Variants in RNF149 observed in about 807,000 individuals in gnomAD.
RNF149 encodes the protein ring finger protein 149.
Under a neutral mutation model 39.0 loss-of-function variants are expected in RNF149, and 21 were observed. That is an observed-to-expected ratio of 0.54 (90% confidence interval 0.38 to 0.77). The LOEUF (loss-of-function observed/expected upper bound fraction) is 0.77. Ranked by LOEUF, RNF149 falls within the 30% of genes least tolerant of loss-of-function variation. RNF149 has a pLI of 0.00. For synonymous variants in RNF149, 209 were observed against 213.6 expected (o/e 0.98, Z 0.19); for missense variants, 493 against 534.9 (o/e 0.92, Z 0.77).
chr2:101,277,360 CACTT>C (rs1682384617), intron 6 of RNF149, 79 bp from the exon 7 acceptor site: 7 of 1,516,626 alleles, frequency 4.6e-6, no homozygotes, highest in Non-Finnish European at 6.2e-6. Flanking sequence ...CACACTTACT[CACTT>C]GGAGATAATT....
chr2:101,293,367 G>A (rs571457360), intron 3 of RNF149, among the ~76,000 whole-genome samples: 6 of 152,154 alleles, frequency 3.9e-5, no homozygotes, highest in South Asian at 4.1e-4. Context: ...ATTTCAGAGC[G>A]CACCAGAAGA....
intron 1 of RNF149, among the ~76,000 whole-genome samples, chr2:101,305,656 G>A (rs1683624187): frequency 6.6e-6 from 1 of 152,110 alleles, no homozygotes; most frequent in South Asian, 2.1e-4. Flanking sequence ...TAAATGCACA[G>A]GGCAACCCCC....
In RNF149 at chr2:101,293,894, A is replaced by G. The variant is rs916656719; in HGVS notation, c.780+120T>C. The G allele has an allele frequency of 1.4e-4, 86 of 602,820 alleles. No homozygotes were observed. In the African/African-American group the frequency reaches 1.5e-3, roughly 11 times the overall value. 37.3% of individuals were successfully genotyped at this position (602,820 alleles called of 1,614,324 possible). A position where few individuals can be genotyped will look rare whatever the true frequency, so the allele number is the denominator to read the frequency against. ...CGACTAGTGGCTACCATATTAATGC[A>G]GGTCTAGAAGGCCCTTCTCAATGAC... is the stretch of plus-strand genomic sequence containing the variant. On this transcript the variant is annotated intron_variant, in intron 3 of 6. Transcript: ENST00000295317.
intron 5 of RNF149, among the ~76,000 whole-genome samples, chr2:101,284,262 CGT>C (rs1204898739): frequency 1.3e-5 from 2 of 152,154 alleles, no homozygotes; most frequent in Non-Finnish European, 2.9e-5. Context: ...AGAGTGAAGG[CGT>C]TCTGGAACTC....
downstream of RNF149, among the ~76,000 whole-genome samples, chr2:101,274,580 C>G (rs1682259755): frequency 6.6e-6 from 1 of 152,310 alleles, no homozygotes; most frequent in Non-Finnish European, 1.5e-5. Context: ...TCTTGCTTTC[C>G]AGGCCCCTTA....
intron 6 of RNF149, among the ~76,000 whole-genome samples, chr2:101,279,979 T>G (rs1436704628): frequency 6.6e-6 from 1 of 152,164 alleles, no homozygotes; most frequent in African/African-American, 2.4e-5. Flanking sequence ...GGCAAAATGA[T>G]TTTAGAATTA....
chr2:101,295,256 G>T, intron 1 of RNF149, 75 bp from the exon 2 acceptor site: 1 of 1,269,188 alleles, frequency 7.9e-7, no homozygotes, highest in Non-Finnish European at 1.1e-6. Flanking sequence ...AAATATAAGG[G>T]TACTATGTTC....
chr2:101,296,778 G>C (rs1573251314), intron 1 of RNF149, among the ~76,000 whole-genome samples: 1 of 152,036 alleles, frequency 6.6e-6, no homozygotes, highest in East Asian at 1.9e-4. Flanking sequence ...GAAGAAACAT[G>C]GGAATCAAAA....
intron 1 of RNF149, 86 bp downstream of exon 1, chr2:101,308,043 G>A (rs955555880): frequency 1.3e-6 from 2 of 1,500,710 alleles, no homozygotes; most frequent in South Asian, 2.6e-5. Flanking sequence ...CCCGCTTCGC[G>A]GCCTGCGGTT....
chr2:101,306,309 C>G (rs942050067), intron 1 of RNF149, among the ~76,000 whole-genome samples: 4 of 152,148 alleles, frequency 2.6e-5, no homozygotes, highest in Admixed American at 2.6e-4. Flanking sequence ...GCACACTAAC[C>G]TTTTTTCTTT....
chr2:101,287,071 C>T (rs985432683), intron 4 of RNF149, among the ~76,000 whole-genome samples: 2 of 152,164 alleles, frequency 1.3e-5, no homozygotes, highest in Non-Finnish European at 2.9e-5. Context: ...CCTGTAATCC[C>T]AACATTTTGG....
At chr2:101,295,296 T>C in intron 1 of RNF149, 115 bp from the exon 2 acceptor site, 1 of 889,916 alleles carries the variant, frequency 1.1e-6, no homozygotes, top group South Asian at 1.9e-5. Context: ...TTAGAAAAAT[T>C]CCATGGGAAA....
In RNF149 at chr2:101,276,424, A is replaced by C. The variant is rs2104382308; in HGVS notation, c.*814T>G. The stretch of plus-strand genomic sequence containing the variant: ...TCAACAACAAAAACTAAAATTCTAC[A>C]TCTTTCGCCCTTTTAATTGTAAAGA... On this transcript the variant is annotated 3_prime_UTR_variant, in exon 7 of 7. Transcript: ENST00000295317. 1.0e-6 allele frequency: 1 copy of C among 985,870 alleles called. No homozygotes were observed. The highest frequency in any genetic ancestry group is 1.1e-4 in the East Asian group (1 of 8,818). 61.1% of individuals were successfully genotyped at this position (985,870 alleles called of 1,614,324 possible). A position where few individuals can be genotyped will look rare whatever the true frequency, so the allele number is the denominator to read the frequency against.
chr2:101,282,059 T>C lies in RNF149; in HGVS notation c.961-2A>G, dbSNP rs759144316. On this transcript the variant is annotated splice_acceptor_variant, in intron 5 of 6. Transcript: ENST00000295317. LOFTEE classifies it high-confidence loss of function. Reference sequence around the variant, plus strand: ...CTCCTGTACATCCCCAGGCTCTCCCTTGAGAATTAGAACAGAAGAAAAAAC... The same window carrying C: ...CTCCTGTACATCCCCAGGCTCTCCCCTGAGAATTAGAACAGAAGAAAAAAC... The C allele has an allele frequency of 1.2e-6, 2 of 1,613,706 alleles. No homozygotes were observed. The highest frequency in any genetic ancestry group is 1.7e-6 in the Non-Finnish European group (2 of 1,179,882).
intron 6 of RNF149, chr2:101,281,624 C>A (rs562715644): frequency 4.0e-6 from 2 of 498,274 alleles, no homozygotes; most frequent in African/African-American, 3.9e-5. Context: ...CCTCAGCATT[C>A]TGAGTAGCTG....
rs554627560 is a variant in RNF149 at position 101,286,776 on chromosome 2, T to C, written c.864-599A>G. Among the ~76,000 whole-genome samples the C allele has an allele frequency of 2.6e-5, 4 of 152,268 alleles. No individual in the cohort carries two copies. The South Asian group carries it at 6.2e-4, about 24-fold the overall frequency. On this transcript the variant is annotated intron_variant, in intron 4 of 6. Coordinates refer to ENST00000295317, the MANE Select transcript of RNF149 (RefSeq NM_173647.4). ...TGATAGATCTATTTTCTGCAAGTGA[T>C]GAAGAAAAGGAGTTACCAGTATAGT... is the stretch of plus-strand genomic sequence containing the variant.
At position 101,297,488 on chromosome 2, in the gene RNF149, C is replaced by T. The variant is rs13410929; in HGVS notation, c.461-2307G>A. Among the ~76,000 whole-genome samples the T allele has an allele frequency of 6.9e-3, 1,045 of 152,082 alleles. 16 individuals are homozygous for T. The highest frequency in any genetic ancestry group is 0.038 in the South Asian group (182 of 4,816). On this transcript the variant is annotated intron_variant, in intron 1 of 6. Coordinates refer to ENST00000295317, the MANE Select transcript of RNF149 (RefSeq NM_173647.4). ...CCTCCTGCCTCAGCTTCCTGAGCAGCTGGGACCACAGGCACACACCACTAC... is the reference window on the plus strand; with the variant it reads ...CCTCCTGCCTCAGCTTCCTGAGCAGTTGGGACCACAGGCACACACCACTAC...
intron 1 of RNF149, 21 bp downstream of exon 1, chr2:101,308,108 C>A: frequency 6.2e-7 from 1 of 1,603,338 alleles, no homozygotes; most frequent in Non-Finnish European, 8.5e-7. Context: ...CCCTCCCGTC[C>A]TCGCGCCCCG....
rs545096793 is a variant in RNF149 at position 101,284,190 on chromosome 2, A to T, written c.960+1891T>A. Among the ~76,000 whole-genome samples the T allele has an allele frequency of 1.1e-4, 17 of 152,326 alleles. No individual in the cohort carries two copies. The East Asian group carries it at 2.7e-3, about 24-fold the overall frequency. On this transcript the variant is annotated intron_variant, in intron 5 of 6. Coordinates refer to ENST00000295317, the MANE Select transcript of RNF149 (RefSeq NM_173647.4). ...AGAGAGACAAATTTTCTGGACATCA[A>T]AACAGTCTCAGTTTCTAGTCAGACA...
Sources: allele counts gnomAD v4.1 joint callset (sites outside exome capture counted in the v4.1 genomes callset), GRCh38; gene constraint gnomAD v4.1.1; transcripts MANE v1.5; gene names NCBI Gene and HGNC (gene_info 2026-07-23, HGNC 2026-07-21).